Variants in TMEM132C observed in about 807,000 individuals in gnomAD.
The protein encoded by TMEM132C is protein phosphatase 1, regulatory subunit 152.
TMEM132C carries 29 observed loss-of-function variants against 61.4 expected under a neutral mutation model. The ratio of observed to expected loss-of-function variants is 0.47; its 90% CI spans 0.35 to 0.64. The LOEUF (loss-of-function observed/expected upper bound fraction) is 0.64, where lower values mean the gene tolerates loss of function less well. Ranked by LOEUF, TMEM132C falls within the 30% of genes least tolerant of loss-of-function variation. TMEM132C has a pLI of 0.00. For missense variants in TMEM132C, 1,408 were observed against 1,476.9 expected, an observed-to-expected ratio of 0.95 and a Z score of 0.76; for synonymous variants, 656 against 633.1, an observed-to-expected ratio of 1.04 and a Z score of -0.54.
chr12:128,268,420 G>C (rs974973635), intron 1 of TMEM132C, among the ~76,000 whole-genome samples: 4 of 152,236 alleles, frequency 2.6e-5, no homozygotes, highest in Non-Finnish European at 2.9e-5. Flanking sequence ...GGCAGGCGGG[G>C]AGCAAGGCCT....
intron 1 of TMEM132C, among the ~76,000 whole-genome samples, chr12:128,274,140 A>T (rs1044427903): frequency 6.6e-6 from 1 of 152,186 alleles, no homozygotes; most frequent in Admixed American, 6.5e-5. Flanking sequence ...TTCCAAGACA[A>T]TGGATTCCAG....
chr12:128,652,574 A>G (rs1325697901), intron 4 of TMEM132C, among the ~76,000 whole-genome samples: 3 of 152,264 alleles, frequency 2.0e-5, no homozygotes, highest in Non-Finnish European at 4.4e-5. Context: ...CACAGAAGAC[A>G]GAGGACAATG....
rs1316640584 is a variant in TMEM132C, at chr12:128,636,560, TTGTTTGTGTGTGTGTGTG to T, written c.1305+20229_1305+20246del. On this transcript the variant is annotated intron_variant, in intron 4 of 8. Coordinates refer to ENST00000435159, the MANE Select transcript of TMEM132C (RefSeq NM_001136103.3). ...TTGTTCTGTTTTGTTTTTTGGGTTTTTGTTTGTGTGTGTGTGTGTGTGTGTGTGTGTGTGTGTGTGTGT... is the reference window on the plus strand; with the variant it reads ...TTGTTCTGTTTTGTTTTTTGGGTTTTTGTGTGTGTGTGTGTGTGTGTGTGT... 4.0e-5 allele frequency among the ~76,000 whole-genome samples: 4 copies of T among 100,742 alleles called. No individual in the cohort carries two copies. In the East Asian group the frequency reaches 1.3e-3, roughly 32 times the overall value. The allele number at this position is 100,742 out of a possible 152,430, so 66.1% of individuals were successfully genotyped here. A position where few individuals can be genotyped will look rare whatever the true frequency, so the allele number is the denominator to read the frequency against.
chr12:128,388,017 C>T (rs1346737554), intron 1 of TMEM132C, among the ~76,000 whole-genome samples: 1 of 152,198 alleles, frequency 6.6e-6, no homozygotes, highest in Non-Finnish European at 1.5e-5. Flanking sequence ...GCTCCTTGGC[C>T]GGCAGGTTCC....
chr12:128,297,786 T>G (rs1412232696), intron 1 of TMEM132C, among the ~76,000 whole-genome samples: 1 of 152,162 alleles, frequency 6.6e-6, no homozygotes, highest in Non-Finnish European at 1.5e-5. Flanking sequence ...AAAAAAAAGT[T>G]AAAACCCAAT....
intron 1 of TMEM132C, among the ~76,000 whole-genome samples, chr12:128,383,815 G>A (rs1593033485): frequency 6.6e-6 from 1 of 152,176 alleles, no homozygotes; most frequent in South Asian, 2.1e-4. Flanking sequence ...GGCTTGCAAA[G>A]TTCTGCTCTG....
intron 3 of TMEM132C, among the ~76,000 whole-genome samples, chr12:128,573,521 C>T (rs1874976186): frequency 6.6e-6 from 1 of 151,830 alleles, no homozygotes; most frequent in African/African-American, 2.4e-5. Flanking sequence ...TTAATGGGTG[C>T]AGCATACCAA....
intron 2 of TMEM132C, among the ~76,000 whole-genome samples, chr12:128,521,956 C>T (rs117646367): frequency 8.5e-4 from 129 of 152,258 alleles, no homozygotes; most frequent in Non-Finnish European, 1.2e-3. Flanking sequence ...AAATAATTCA[C>T]TCAGTCTCAT....
chr12:128,693,341 A>G (rs1954733566), intron 5 of TMEM132C, among the ~76,000 whole-genome samples: 1 of 152,210 alleles, frequency 6.6e-6, no homozygotes, highest in South Asian at 2.1e-4. Context: ...GCTCACATCA[A>G]ATTACTCAGC....
intron 3 of TMEM132C, among the ~76,000 whole-genome samples, chr12:128,572,978 A>G: frequency 1.3e-5 from 2 of 152,272 alleles, no homozygotes; most frequent in Non-Finnish European, 2.9e-5. Context: ...ATGTGGAGAA[A>G]TGGGAACACT....
rs549184636 is a variant in TMEM132C at position 128,357,158 on chromosome 12, G to T, written c.86-57574G>T. Among the ~76,000 whole-genome samples, 5 of 152,274 alleles carry T rather than the reference G, an allele frequency of 3.3e-5. No homozygotes were observed. In the South Asian group the frequency reaches 1.0e-3, roughly 32 times the overall value. On this transcript the variant is annotated intron_variant, in intron 1 of 8. Coordinates refer to ENST00000435159, the MANE Select transcript of TMEM132C (RefSeq NM_001136103.3). ...AATTTGAATATATTTAAATGAAGAAGAAGTATCGGGTTACTTTGGGGAGAA... is the reference window on the plus strand; with the variant it reads ...AATTTGAATATATTTAAATGAAGAATAAGTATCGGGTTACTTTGGGGAGAA...
chr12:128,378,325 C>G (rs1874277365), intron 1 of TMEM132C, among the ~76,000 whole-genome samples: 1 of 152,150 alleles, frequency 6.6e-6, no homozygotes, highest in Admixed American at 6.5e-5. Flanking sequence ...ACCATGTTAG[C>G]CAGGATGGTC....
chr12:128,605,354 C>T (rs1363103267), intron 3 of TMEM132C, among the ~76,000 whole-genome samples: 1 of 152,122 alleles, frequency 6.6e-6, no homozygotes, highest in Non-Finnish European at 1.5e-5. Context: ...GAGGAATTCC[C>T]TCTTACTCTG....
chr12:128,425,466 C>T (rs1312310608), intron 2 of TMEM132C, among the ~76,000 whole-genome samples: 1 of 152,236 alleles, frequency 6.6e-6, no homozygotes, highest in African/African-American at 2.4e-5. Flanking sequence ...AATCGCTTCT[C>T]GACCACCACT....
At chr12:128,669,386 T>G (rs1314812461) in intron 4 of TMEM132C, 31 bp from the exon 5 acceptor site, 20 of 1,550,680 alleles carry the variant, frequency 1.3e-5, no homozygotes, top group Non-Finnish European at 1.7e-5. Context: ...AATATCTCCC[T>G]TGACCCAGTG....
At chr12:128,306,404 G>A (rs564776617) in intron 1 of TMEM132C, among the ~76,000 whole-genome samples, 61 of 151,848 alleles carry the variant, frequency 4.0e-4, no homozygotes, top group South Asian at 1.0e-3. Flanking sequence ...GGGTTTCATC[G>A]TGTTAGCCAG....
At chr12:128,612,246 G>T (rs188838040) in intron 3 of TMEM132C, among the ~76,000 whole-genome samples, 6 of 152,252 alleles carry the variant, frequency 3.9e-5, no homozygotes, top group Non-Finnish European at 8.8e-5. Context: ...TCTTCCTTTT[G>T]TCTGAGATCT....
chr12:128,528,745 C>T (rs774651472), intron 2 of TMEM132C, among the ~76,000 whole-genome samples: 3 of 152,214 alleles, frequency 2.0e-5, no homozygotes, highest in Non-Finnish European at 2.9e-5. Context: ...AGACATTGCT[C>T]AGTGTCCCCT....
At chr12:128,442,789 C>T (rs986305671) in intron 2 of TMEM132C, among the ~76,000 whole-genome samples, 1 of 152,158 alleles carries the variant, frequency 6.6e-6, no homozygotes, top group Admixed American at 6.5e-5. Flanking sequence ...ACTGTATTCA[C>T]GATGTTGTGC....
Sources: allele counts gnomAD v4.1 joint callset (sites outside exome capture counted in the v4.1 genomes callset), GRCh38; gene constraint gnomAD v4.1.1; transcripts MANE v1.5; gene names NCBI Gene and HGNC (gene_info 2026-07-23, HGNC 2026-07-21).